Variants in FBXL13 observed in about 807,000 individuals in gnomAD.
The protein encoded by FBXL13 is F-box and leucine rich repeat protein 13.
FBXL13 carries 67 observed loss-of-function variants against 83.6 expected under a neutral mutation model. The ratio of observed to expected loss-of-function variants is 0.80; its 90% CI spans 0.66 to 0.98. The LOEUF (loss-of-function observed/expected upper bound fraction) is 0.98, where lower values mean the gene tolerates loss of function less well. Ranked by LOEUF, FBXL13 falls within the 50% of genes least tolerant of loss-of-function variation. The pLI, the probability that FBXL13 is intolerant of heterozygous loss-of-function variation, is 0.00. For missense variants in FBXL13, 822 were observed against 866.5 expected, an observed-to-expected ratio of 0.95 and a Z score of 0.64; for synonymous variants, 272 against 299.5, an observed-to-expected ratio of 0.91 and a Z score of 0.95.
intron 11 of FBXL13, among the ~76,000 whole-genome samples, chr7:102,900,763 T>C (rs1394701154): frequency 6.6e-6 from 1 of 152,226 alleles, no homozygotes; most frequent in Non-Finnish European, 1.5e-5. Flanking sequence ...ACTCCACAAT[T>C]TCTAGTGCCT....
chr7:102,911,571 G>C (rs1563078125), intron 11 of FBXL13, among the ~76,000 whole-genome samples: 1 of 152,180 alleles, frequency 6.6e-6, no homozygotes, highest in Non-Finnish European at 1.5e-5. Flanking sequence ...CTTCTTTGAT[G>C]ATTATATATC....
intron 17 of FBXL13, among the ~76,000 whole-genome samples, chr7:102,834,878 ATGTGTGTG>A (rs57047697): frequency 0.014 from 2,083 of 147,120 alleles, 31 homozygotes; most frequent in African/African-American, 0.038. Flanking sequence ...CCATTCCACA[ATGTGTGTG>A]TGTGTGTGTG....
intron 2 of FBXL13, among the ~76,000 whole-genome samples, chr7:103,032,208 T>C (rs541013675): frequency 6.6e-6 from 1 of 152,360 alleles, no homozygotes; most frequent in African/African-American, 2.4e-5. Context: ...ATTTCATTCC[T>C]CTGCCAGGGT....
chr7:103,032,472 C>A (rs1482218269), intron 2 of FBXL13, among the ~76,000 whole-genome samples: 8 of 152,130 alleles, frequency 5.3e-5, no homozygotes, highest in Admixed American at 5.2e-4. Context: ...TGCTTAATAT[C>A]ATTGTACCCA....
intron 8 of FBXL13, among the ~76,000 whole-genome samples, chr7:102,959,875 G>C (rs1311064664): frequency 2.0e-5 from 3 of 152,002 alleles, no homozygotes; most frequent in Non-Finnish European, 4.4e-5. Flanking sequence ...TTTACAGTAT[G>C]TAAAAATAAT....
At chr7:103,074,308 T>A in exon 1 of FBXL13, 1 of 1,017,522 alleles carries the variant, frequency 9.8e-7, no homozygotes, top group Non-Finnish European at 1.2e-6. Flanking sequence ...TCTGACAACA[T>A]TCTTCATAAT....
chr7:102,849,437 A>G (rs973197997), intron 17 of FBXL13, among the ~76,000 whole-genome samples: 7 of 152,224 alleles, frequency 4.6e-5, no homozygotes, highest in African/African-American at 1.7e-4. Flanking sequence ...CAACTCTTGC[A>G]AAACCTAACC....
chr7:102,822,583 G>C, intron 18 of FBXL13: 2 of 386,960 alleles, frequency 5.2e-6, no homozygotes, highest in South Asian at 2.0e-5. Context: ...GTCACAGTGG[G>C]AGTTAGGGTT....
chr7:102,887,843 A>G (rs770293500), intron 11 of FBXL13, among the ~76,000 whole-genome samples: 6 of 152,232 alleles, frequency 3.9e-5, no homozygotes, highest in Non-Finnish European at 7.3e-5. Context: ...CATAAAATTA[A>G]CCATCACAGA....
chr7:102,829,539 G>A (rs572912227), intron 18 of FBXL13, among the ~76,000 whole-genome samples: 2 of 152,084 alleles, frequency 1.3e-5, no homozygotes, highest in African/African-American at 4.8e-5. Context: ...ACTTCACGTC[G>A]GTCATGAGGG....
At chr7:103,071,199 G>T (rs1328119616) in intron 1 of FBXL13, among the ~76,000 whole-genome samples, 1 of 151,456 alleles carries the variant, frequency 6.6e-6, no homozygotes, top group Non-Finnish European at 1.5e-5. Context: ...GAGGCATGTA[G>T]AACAAGGTAA....
At chr7:102,822,107 C>G (rs200088482) in exon 19 of FBXL13, 1 of 1,614,166 alleles carries the variant, frequency 6.2e-7, no homozygotes, top group East Asian at 2.2e-5. Flanking sequence ...TGAAGGTCCT[C>G]AAGGATTTGG....
chr7:102,932,008 A>C, intron 8 of FBXL13, 75 bp from the exon 10 acceptor site: 69 of 1,293,370 alleles, frequency 5.3e-5, no homozygotes, highest in Non-Finnish European at 6.8e-5. Context: ...TCTTACATTG[A>C]ATGCAATGTA....
At chr7:102,900,121 C>T (rs1307890400) in intron 11 of FBXL13, among the ~76,000 whole-genome samples, 2 of 152,198 alleles carry the variant, frequency 1.3e-5, no homozygotes, top group African/African-American at 2.4e-5. Context: ...AATTGATTTT[C>T]ACTTTTTATT....
intron 17 of FBXL13, among the ~76,000 whole-genome samples, chr7:102,844,329 A>T (rs182657246): frequency 6.6e-6 from 1 of 152,338 alleles, no homozygotes; most frequent in East Asian, 1.9e-4. Flanking sequence ...CAGAAAATAT[A>T]AAGAGAAAAG....
At chr7:102,987,278 T>C (rs928008912) in intron 6 of FBXL13, among the ~76,000 whole-genome samples, 2 of 152,128 alleles carry the variant, frequency 1.3e-5, no homozygotes, top group Non-Finnish European at 2.9e-5. Flanking sequence ...CAGAAACCAC[T>C]TGTACACCTA....
intron 8 of FBXL13, among the ~76,000 whole-genome samples, chr7:102,940,109 GTC>G (rs2129475183): frequency 6.6e-6 from 1 of 152,004 alleles, no homozygotes; most frequent in Admixed American, 6.5e-5. Flanking sequence ...GGTCAGGCTG[GTC>G]TCAAACTCCT....
chr7:102,922,816 CA>C (rs936284864), intron 10 of FBXL13, among the ~76,000 whole-genome samples: 108 of 142,982 alleles, frequency 7.6e-4, no homozygotes, highest in Middle Eastern at 3.7e-3. Flanking sequence ...ACTAAAAATA[CA>C]AAAAAAAAAA....
At chr7:102,912,948 G>C in intron 11 of FBXL13, 138 bp downstream of exon 12, 1 of 1,139,766 alleles carries the variant, frequency 8.8e-7, no homozygotes, top group Non-Finnish European at 1.2e-6. Context: ...TTCAGCAGCT[G>C]GGGCCATGTA....
Sources: allele counts gnomAD v4.1 joint callset (sites outside exome capture counted in the v4.1 genomes callset), GRCh38; gene constraint gnomAD v4.1.1; transcripts MANE v1.5; gene names NCBI Gene and HGNC (gene_info 2026-07-23, HGNC 2026-07-21).